WASF2: variants seen among roughly 807,000 people sequenced by gnomAD.
The protein encoded by WASF2 is WASP family member 2, also known as actin-binding protein WASF2.
A neutral mutation model predicts 45.0 loss-of-function variants in WASF2; 14 were observed. The observed-to-expected ratio is 0.31, with a 90% CI of 0.21 to 0.49. The LOEUF (loss-of-function observed/expected upper bound fraction) is 0.49, where lower values mean the gene tolerates loss of function less well. Among genes scored for constraint, WASF2 ranks in the 20% least tolerant of loss-of-function variants. WASF2 has a pLI of 0.99. For missense variants in WASF2, 439 were observed against 636.1 expected (o/e 0.69, Z 3.33); for synonymous variants, 200 against 236.3 (o/e 0.85, Z 1.41).
intron 1 of WASF2, among the ~76,000 whole-genome samples, chr1:27,474,096 AT>A (rs903308654): frequency 6.6e-6 from 1 of 152,016 alleles, no homozygotes; most frequent in Non-Finnish European, 1.5e-5. Context: ...CCAGGAATAC[AT>A]TTTTTTTCTC....
chr1:27,409,797 C>T lies in WASF2; in HGVS notation c.1234G>A (p.Gly412Ser). The change falls in exon 8 of 9, where the codon GGC becomes AGC. Residue 412 changes from glycine to serine, a missense_variant. Gly to Ser is a moderately conservative substitution (Grantham distance 56). This residue lies in a region of WASF2 where 286 missense variants were observed against 373.5 expected (regional missense o/e 0.77). Transcript: ENST00000618852. Reference sequence around the variant, plus strand: ...AGCGGTGGTGGTATAGCAGGCTGGCCATCTGCACCAGTGAAAGGGGGAGGA... The same window carrying T: ...AGCGGTGGTGGTATAGCAGGCTGGCTATCTGCACCAGTGAAAGGGGGAGGA... ...PPPPPFTGADGQPAIPPPLSD... is the reference protein window; with the variant it reads ...PPPPPFTGADSQPAIPPPLSD... 6.4e-7 allele frequency: 1 copy of T among 1,561,384 alleles called. No individual in the cohort carries two copies. Among genetic ancestry groups the T allele is most frequent in the Non-Finnish European group, 8.7e-7 (1 of 1,154,068 alleles).
chr1:27,477,915 T>TGAGC (rs1257036194), intron 1 of WASF2, among the ~76,000 whole-genome samples: 1 of 85,030 alleles, frequency 1.2e-5, no homozygotes, highest in Non-Finnish European at 2.0e-5. Context: ...AAAAAATAAA[T>TGAGC]AAATAAAAAA....
At chr1:27,419,138 T>C (rs1487614388) in intron 2 of WASF2, 50 bp from the exon 3 acceptor site, 1 of 1,601,564 alleles carries the variant, frequency 6.2e-7, no homozygotes. Flanking sequence ...GTAACGTAAA[T>C]GGTCACAAAA....
intron 1 of WASF2, among the ~76,000 whole-genome samples, chr1:27,448,734 C>CAGAA (rs1338305477): frequency 6.7e-6 from 1 of 150,124 alleles, no homozygotes; most frequent in African/African-American, 2.5e-5. Flanking sequence ...CCCAACTACT[C>CAGAA]AGAAGGCTGA....
intron 2 of WASF2, among the ~76,000 whole-genome samples, chr1:27,425,621 G>A (rs374336140): frequency 5.3e-5 from 8 of 152,124 alleles, no homozygotes; most frequent in Admixed American, 2.0e-4. Context: ...GGCGGATCAC[G>A]AGGTCAGGAG....
intron 1 of WASF2, among the ~76,000 whole-genome samples, chr1:27,454,174 TATATATA>T (rs2017430214): frequency 5.7e-5 from 1 of 17,476 alleles, no homozygotes; most frequent in African/African-American, 1.5e-4. Flanking sequence ...TATATATATA[TATATATA>T]TATATATTTT....
intron 1 of WASF2, among the ~76,000 whole-genome samples, chr1:27,472,082 C>T (rs1302616756): frequency 6.6e-6 from 1 of 152,036 alleles, no homozygotes; most frequent in Non-Finnish European, 1.5e-5. Context: ...CCTGTAATCG[C>T]GGTACTTTCA....
chr1:27,439,790 G>C (rs1039140705), intron 1 of WASF2, among the ~76,000 whole-genome samples: 1 of 151,646 alleles, frequency 6.6e-6, no homozygotes, highest in Admixed American at 6.6e-5. Context: ...CTTCAGCCTA[G>C]GAGGTCAAGA....
intron 1 of WASF2, among the ~76,000 whole-genome samples, chr1:27,475,914 T>C (rs1164309590): frequency 6.6e-6 from 1 of 152,172 alleles, no homozygotes; most frequent in African/African-American, 2.4e-5. Context: ...CGCCTCCCCA[T>C]GTGGGCGTGA....
chr1:27,418,498 G>C (rs901916636), intron 3 of WASF2, 76 bp from the exon 4 acceptor site: 2 of 1,589,536 alleles, frequency 1.3e-6, no homozygotes, highest in Non-Finnish European at 1.7e-6. Flanking sequence ...CAGTCGGAGA[G>C]GCCTCAGCTG....
intron 1 of WASF2, among the ~76,000 whole-genome samples, chr1:27,437,624 C>T (rs1362847246): frequency 6.6e-6 from 1 of 152,112 alleles, no homozygotes; most frequent in Non-Finnish European, 1.5e-5. Flanking sequence ...ATTTTACTTT[C>T]CCAATCTAAT....
chr1:27,423,274 T>A (rs895569633), intron 2 of WASF2, among the ~76,000 whole-genome samples: 2 of 152,106 alleles, frequency 1.3e-5, no homozygotes, highest in Non-Finnish European at 2.9e-5. Flanking sequence ...CTCAGCTCAC[T>A]GCAACCTCTG....
At chr1:27,444,513 T>C (rs1174065839) in intron 1 of WASF2, among the ~76,000 whole-genome samples, 1 of 152,184 alleles carries the variant, frequency 6.6e-6, no homozygotes, top group Non-Finnish European at 1.5e-5. Context: ...TATATGGACC[T>C]ACCTCCTAGT....
At chr1:27,425,239 G>A (rs1274771271) in intron 2 of WASF2, among the ~76,000 whole-genome samples, 1 of 152,076 alleles carries the variant, frequency 6.6e-6, no homozygotes, top group Non-Finnish European at 1.5e-5. Flanking sequence ...CAGGTGTACA[G>A]CACCACACCT....
intron 1 of WASF2, among the ~76,000 whole-genome samples, chr1:27,431,570 C>A (rs1251226868): frequency 6.6e-6 from 1 of 152,192 alleles, no homozygotes; most frequent in African/African-American, 2.4e-5. Context: ...TTTGAGTACT[C>A]ATTCCAGCTT....
intron 1 of WASF2, among the ~76,000 whole-genome samples, chr1:27,487,464 T>TA (rs200836473): frequency 0.083 from 9,863 of 119,358 alleles, 561 homozygotes; most frequent in African/African-American, 0.12. Context: ...TATATTTATA[T>TA]AAATATATTT....
At chr1:27,449,882 G>A (rs2017361125) in intron 1 of WASF2, among the ~76,000 whole-genome samples, 3 of 152,082 alleles carry the variant, frequency 2.0e-5, no homozygotes, top group Admixed American at 1.3e-4. Flanking sequence ...GGTGGCTCAC[G>A]CCTATAATCC....
chr1:27,443,175 A>G (rs529624027), intron 1 of WASF2, among the ~76,000 whole-genome samples: 1 of 151,320 alleles, frequency 6.6e-6, no homozygotes, highest in South Asian at 2.1e-4. Context: ...AAATAAATAA[A>G]TAAATAAAAA....
chr1:27,443,975 TTCA>T (rs2017280472), intron 1 of WASF2, among the ~76,000 whole-genome samples: 1 of 151,984 alleles, frequency 6.6e-6, no homozygotes, highest in South Asian at 2.1e-4. Flanking sequence ...GATATGGCGT[TTCA>T]TCATGTTGGC....
Sources: gnomAD v4.1 joint callset for allele counts (sites outside exome capture counted in the v4.1 genomes callset) on GRCh38, gnomAD v4.1.1 for gene constraint, gnomAD v4.1.1 regional missense constraint, MANE v1.5 for transcripts, NCBI Gene and HGNC (gene_info 2026-07-23, HGNC 2026-07-21) for gene names.